SULT6B1: variants seen among roughly 807,000 people sequenced by gnomAD.
SULT6B1 encodes the protein sulfotransferase 6B1.
SULT6B1 carries 44 observed loss-of-function variants against 37.2 expected under a neutral mutation model. The observed-to-expected ratio is 1.18, with a 90% CI of 0.93 to 1.52. The LOEUF is 1.52. SULT6B1 is among the 40% of genes most tolerant of loss of function. The pLI, the probability that SULT6B1 is intolerant of heterozygous loss-of-function variation, is 0.00. For missense variants in SULT6B1, 450 were observed against 361.0 expected (o/e 1.25, Z -2.00); for synonymous variants, 140 against 126.0 (o/e 1.11, Z -0.74).
At chr2:37,182,919 T>C (rs1230766254) in intron 3 of SULT6B1, among the ~76,000 whole-genome samples, 1 of 152,222 alleles carries the variant, frequency 6.6e-6, no homozygotes, top group Non-Finnish European at 1.5e-5. Context: ...TGGTGTCCCA[T>C]GCCTGTAATC....
intron 5 of SULT6B1, among the ~76,000 whole-genome samples, chr2:37,172,163 A>G (rs1676318126): frequency 6.6e-6 from 1 of 151,586 alleles, no homozygotes; most frequent in Non-Finnish European, 1.5e-5. Flanking sequence ...CAATCCTCAC[A>G]CCTCAGCCTT....
At chr2:37,171,656 C>T (rs1401514044) in intron 5 of SULT6B1, 66 bp from the exon 6 acceptor site, 1 of 1,507,902 alleles carries the variant, frequency 6.6e-7, no homozygotes, top group East Asian at 2.3e-5. Flanking sequence ...CTGAGACAGA[C>T]TTTTTAGTCA....
chr2:37,168,034 A>C lies in SULT6B1; in HGVS notation c.813T>G (p.Ser271Arg), dbSNP rs532429880. 4 of 1,597,444 alleles carry C rather than the reference A, an allele frequency of 2.5e-6. No homozygotes were observed. The African/African-American group carries it at 5.4e-5, about 22-fold the overall frequency. The change falls in exon 7 of 7, where the codon AGT becomes AGG. Residue 271 changes from serine (S) to arginine (R), a missense_variant. Ser to Arg is a moderately radical substitution (Grantham distance 110). Transcript: ENST00000535679. ...GEVGDWKNLF[S>R]EIQNQEMDEK... ...CATCCATTTCCTGGTTCTGAATTTC[A>C]CTGAACAAATTTTTCCAATCACCAA...
chr2:37,180,932 C>T (rs1240063537), intron 3 of SULT6B1, among the ~76,000 whole-genome samples: 3 of 152,128 alleles, frequency 2.0e-5, no homozygotes, highest in Admixed American at 2.0e-4. Flanking sequence ...AGTTAATTAA[C>T]TAATGTAAAC....
chr2:37,167,894 T>G lies in SULT6B1; in HGVS notation c.*41A>C. 6.7e-7 allele frequency: 1 copy of G among 1,498,688 alleles called. No homozygotes were observed. Among genetic ancestry groups the G allele is most frequent in the Non-Finnish European group, 8.9e-7 (1 of 1,126,126 alleles). 92.8% of individuals were successfully genotyped at this position (1,498,688 alleles called of 1,614,324 possible). On this transcript the variant is annotated 3_prime_UTR_variant, in exon 7 of 7. Coordinates refer to ENST00000535679, the MANE Select transcript of SULT6B1 (RefSeq NM_001367551.1). The stretch of plus-strand genomic sequence containing the variant: ...CATTTAATTATTTACACTTAATTAT[T>G]ATTAAGGAAAATAAATCTAGGCCTG...
intron 1 of SULT6B1, among the ~76,000 whole-genome samples, chr2:37,193,706 C>T (rs767438951): frequency 5.3e-5 from 8 of 150,912 alleles, no homozygotes; most frequent in Non-Finnish European, 1.2e-4. Context: ...AATGTCTAGG[C>T]TTTAAGGTGA....
intron 2 of SULT6B1, among the ~76,000 whole-genome samples, chr2:37,183,959 C>G (rs181347622): frequency 6.6e-6 from 1 of 152,212 alleles, no homozygotes; most frequent in East Asian, 1.9e-4. Context: ...TTCTTTATTT[C>G]TGTTTTCTTA....
chr2:37,192,049 G>T (rs931637506), upstream of SULT6B1, among the ~76,000 whole-genome samples: 1 of 152,228 alleles, frequency 6.6e-6, no homozygotes, highest in Admixed American at 6.5e-5. Context: ...GGGAGTGCAA[G>T]CAAGTACAGC....
Position 37,170,886 on chromosome 2 carries a change from C to T in SULT6B1, c.781+548G>A, listed in dbSNP as rs565366560. Among the ~76,000 whole-genome samples, 22 of 152,246 alleles carry T rather than the reference C, an allele frequency of 1.4e-4. No homozygotes were observed. In the South Asian group the frequency reaches 3.9e-3, roughly 27 times the overall value. On this transcript the variant is annotated intron_variant, in intron 6 of 6. Coordinates refer to ENST00000535679, the MANE Select transcript of SULT6B1 (RefSeq NM_001367551.1). ...ATAATAGTTGAGCTTCAGCTGCTAT[C>T]TTGTTTTCAGAAGGTGATCATCAGA...
At position 37,179,356 on chromosome 2, in the gene SULT6B1, A is replaced by T. The variant is rs193036926; in HGVS notation, c.529+102T>A. 7 of 1,470,568 alleles carry T rather than the reference A, an allele frequency of 4.8e-6. No individual in the cohort carries two copies. In the African/African-American group the frequency reaches 7.0e-5, roughly 15 times the overall value. 91.1% of individuals were successfully genotyped at this position (1,470,568 alleles called of 1,614,324 possible). The stretch of plus-strand genomic sequence containing the variant: ...TTAAATGAAACTTTTTGGTTCCCAG[A>T]TCTACCTAAATCTTCTTCCTTTACC... On this transcript the variant is annotated intron_variant, in intron 4 of 6. Coordinates refer to ENST00000535679, the MANE Select transcript of SULT6B1 (RefSeq NM_001367551.1).
At chr2:37,171,082 C>CA (rs1331958466) in intron 6 of SULT6B1, among the ~76,000 whole-genome samples, 3 of 152,176 alleles carry the variant, frequency 2.0e-5, no homozygotes, top group East Asian at 1.9e-4. Flanking sequence ...ACTAAAAATA[C>CA]AAAAAAATTA....
intron 1 of SULT6B1, chr2:37,194,437 C>G (rs1197077865): frequency 2.3e-6 from 1 of 433,286 alleles, no homozygotes; most frequent in Non-Finnish European, 4.5e-6. Flanking sequence ...AAGTACAGAG[C>G]TTATTTGGTG....
intron 5 of SULT6B1, among the ~76,000 whole-genome samples, chr2:37,172,823 CTTGT>C (rs138341858): frequency 1.3e-4 from 20 of 149,210 alleles, no homozygotes; most frequent in Admixed American, 2.0e-4. Flanking sequence ...CATACATTTG[CTTGT>C]TTGTTTGTTT....
intron 1 of SULT6B1, chr2:37,194,520 C>A: frequency 5.3e-6 from 2 of 380,908 alleles, no homozygotes; most frequent in East Asian, 7.7e-5. Context: ...ATTCCTTTGG[C>A]AAAGACAACT....
At chr2:37,188,362 T>C (rs1676716572) in intron 1 of SULT6B1, 80 bp downstream of exon 1, 1 of 1,252,712 alleles carries the variant, frequency 8.0e-7, no homozygotes, top group East Asian at 2.3e-5. Context: ...AGGAACCGCC[T>C]TCATCCCACC....
At chr2:37,179,943 C>T (rs1046239981) in intron 3 of SULT6B1, among the ~76,000 whole-genome samples, 9 of 151,954 alleles carry the variant, frequency 5.9e-5, no homozygotes, top group East Asian at 1.9e-4. Flanking sequence ...ATGTTAAGGA[C>T]GACAAAAATA....
upstream of SULT6B1, among the ~76,000 whole-genome samples, chr2:37,189,233 C>G (rs1428534709): frequency 1.3e-5 from 2 of 152,166 alleles, no homozygotes; most frequent in Admixed American, 6.5e-5. Flanking sequence ...TAATATATCT[C>G]TAAAAGTTTA....
intron 5 of SULT6B1, 40 bp from the exon 6 acceptor site, chr2:37,171,630 G>A: frequency 6.3e-7 from 1 of 1,595,748 alleles, no homozygotes; most frequent in Non-Finnish European, 8.6e-7. Context: ...TCTTCCTATG[G>A]AAATTGTTCT....
intron 2 of SULT6B1, among the ~76,000 whole-genome samples, chr2:37,183,910 C>A (rs187107654): frequency 5.3e-5 from 8 of 152,270 alleles, no homozygotes; most frequent in Admixed American, 5.2e-4. Context: ...TCCCAAAGTG[C>A]TGCGATTACA....
Sources: allele counts gnomAD v4.1 joint callset (sites outside exome capture counted in the v4.1 genomes callset), GRCh38; gene constraint gnomAD v4.1.1; transcripts MANE v1.5; gene names NCBI Gene and HGNC (gene_info 2026-07-23, HGNC 2026-07-21).